CSMD1: variants seen among roughly 807,000 people sequenced by gnomAD.
The protein encoded by CSMD1 is CUB and sushi domain-containing protein 1.
In CSMD1, 213 loss-of-function variants were observed where a neutral mutation model predicts 417.5. The ratio of observed to expected loss-of-function variants is 0.51; its 90% CI spans 0.46 to 0.57. The LOEUF is 0.57. Ranked by LOEUF, CSMD1 falls within the 20% of genes least tolerant of loss-of-function variation. The pLI is 0.00. For synonymous variants in CSMD1, 2,862 were observed against 1,736.8 expected, an observed-to-expected ratio of 1.65 and a Z score of -16.11; for missense variants, 6,923 against 4,529.7, an observed-to-expected ratio of 1.53 and a Z score of -15.17.
At chr8:4,654,110 C>T (rs888446559) in intron 1 of CSMD1, among the ~76,000 whole-genome samples, 2 of 152,172 alleles carry the variant, frequency 1.3e-5, no homozygotes, top group South Asian at 2.1e-4. Flanking sequence ...AAACCAGGGC[C>T]GATGTTACAC....
At chr8:3,858,869 A>G (rs1011502803) in intron 5 of CSMD1, among the ~76,000 whole-genome samples, 11 of 152,134 alleles carry the variant, frequency 7.2e-5, no homozygotes. Context: ...CTCCAGTAGG[A>G]TCAGGTTTAT....
chr8:3,837,301 G>A lies in CSMD1; in HGVS notation c.819-83259C>T, dbSNP rs1227669587. ...TAGATGAATCTCTTCAACAACAGAA[G>A]AAAATTAGATTGCAACTAGTATTCA... On this transcript the variant is annotated intron_variant, in intron 5 of 69. Transcript: ENST00000635120. 9.2e-5 allele frequency among the ~76,000 whole-genome samples: 14 copies of A among 152,242 alleles called. No individual in the cohort carries two copies. The East Asian group carries it at 1.4e-3, about 15-fold the overall frequency.
intron 2 of CSMD1, among the ~76,000 whole-genome samples, chr8:4,460,451 G>A (rs966782170): frequency 6.6e-6 from 1 of 151,988 alleles, no homozygotes; most frequent in Non-Finnish European, 1.5e-5. Context: ...TAAACTTACG[G>A]TAAGCAGAAT....
chr8:4,433,348 A>G (rs1797976161), intron 2 of CSMD1, among the ~76,000 whole-genome samples: 1 of 152,158 alleles, frequency 6.6e-6, no homozygotes, highest in Admixed American at 6.5e-5. Flanking sequence ...GGGGACTGCT[A>G]TTATATACAA....
chr8:3,859,319 G>T (rs918263622), intron 5 of CSMD1, among the ~76,000 whole-genome samples: 1 of 152,114 alleles, frequency 6.6e-6, no homozygotes, highest in Non-Finnish European at 1.5e-5. Context: ...CATTCGCTCG[G>T]CCTATTTTTT....
chr8:4,832,200 G>A (rs990367074), intron 1 of CSMD1, among the ~76,000 whole-genome samples: 6 of 152,274 alleles, frequency 3.9e-5, no homozygotes, highest in African/African-American at 1.4e-4. Context: ...CCCTGAGTGT[G>A]GGAGGGTTTG....
chr8:4,091,115 C>T (rs184627843), intron 3 of CSMD1, among the ~76,000 whole-genome samples: 1 of 152,062 alleles, frequency 6.6e-6, no homozygotes, highest in East Asian at 1.9e-4. Context: ...GATGGGGTTT[C>T]ACCATTTTGG....
intron 52 of CSMD1, among the ~76,000 whole-genome samples, chr8:3,007,551 G>C (rs1808037104): frequency 6.6e-6 from 1 of 151,494 alleles, no homozygotes; most frequent in African/African-American, 2.4e-5. Flanking sequence ...ACTGGATTAA[G>C]AAAATGTGGC....
At chr8:3,626,483 A>G (rs1401002787) in intron 7 of CSMD1, among the ~76,000 whole-genome samples, 3 of 152,114 alleles carry the variant, frequency 2.0e-5, no homozygotes, top group African/African-American at 7.2e-5. Context: ...AAGTCGTTAT[A>G]TATTTTAGAA....
intron 1 of CSMD1, among the ~76,000 whole-genome samples, chr8:4,740,928 C>CA (rs1240585779): frequency 1.3e-5 from 2 of 151,868 alleles, no homozygotes; most frequent in Non-Finnish European, 2.9e-5. Context: ...AGTTTCAAAA[C>CA]AAAAAACACT....
chr8:3,399,296 A>C (rs1213862020), intron 16 of CSMD1, 95 bp downstream of exon 16: 31 of 1,242,026 alleles, frequency 2.5e-5, no homozygotes, highest in Non-Finnish European at 3.3e-5. Flanking sequence ...GAACCGAAAA[A>C]AACTGCCATC....
chr8:3,902,756 C>A (rs908484973), intron 5 of CSMD1, among the ~76,000 whole-genome samples: 1 of 152,088 alleles, frequency 6.6e-6, no homozygotes, highest in African/African-American at 2.4e-5. Flanking sequence ...GTACACATTT[C>A]TTTGTATCAA....
At chr8:3,031,482 A>G (rs2670067) in intron 50 of CSMD1, among the ~76,000 whole-genome samples, 6,431 of 152,160 alleles carry the variant, frequency 0.042, 467 homozygotes, top group African/African-American at 0.15. Flanking sequence ...AAAAAAAATT[A>G]TTTTTAATAA....
At position 3,052,641 on chromosome 8, in the gene CSMD1, GA is replaced by G; in HGVS notation, c.7480del (p.Ser2494ProfsTer84). 6.3e-7 allele frequency: 1 copy of G among 1,599,184 alleles called. No homozygotes were observed. The highest frequency in any genetic ancestry group is 8.5e-7 in the Non-Finnish European group (1 of 1,173,734). Reference sequence around the variant, plus strand: ...TCCTGGGGATTCTGGGATTCCACAGGACACAGCTGAAAAGAAATGAAACAAA... The same window carrying G: ...TCCTGGGGATTCTGGGATTCCACAGGCACAGCTGAAAAGAAATGAAACAAA... ...DSLTPLCQAV[S>X]CGIPESPGNG... is the part of the protein sequence containing the mutation. On this transcript the variant is annotated frameshift_variant, in exon 50 of 70. Transcript: ENST00000635120. LOFTEE classifies it high-confidence loss of function.
At chr8:3,831,042 C>T (rs1182438242) in intron 5 of CSMD1, among the ~76,000 whole-genome samples, 1 of 152,094 alleles carries the variant, frequency 6.6e-6, no homozygotes, top group African/African-American at 2.4e-5. Flanking sequence ...AATGCGCGAA[C>T]AGGGTTTGGG....
chr8:3,112,761 G>GC (rs1191086204), intron 42 of CSMD1, among the ~76,000 whole-genome samples: 9 of 152,268 alleles, frequency 5.9e-5, no homozygotes, highest in Non-Finnish European at 1.2e-4. Context: ...TTCAACGGGT[G>GC]CAAGTGCTGT....
At chr8:4,313,999 G>A (rs1351256526) in intron 3 of CSMD1, among the ~76,000 whole-genome samples, 1 of 151,154 alleles carries the variant, frequency 6.6e-6, no homozygotes, top group African/African-American at 2.4e-5. Flanking sequence ...GGGCAACAAA[G>A]TGAGAATCCG....
intron 1 of CSMD1, among the ~76,000 whole-genome samples, chr8:4,664,976 G>T (rs940627878): frequency 6.6e-6 from 1 of 152,034 alleles, no homozygotes; most frequent in Admixed American, 6.5e-5. Flanking sequence ...ATCTGAAAAA[G>T]GAAAATAATA....
chr8:3,628,812 C>G (rs956614229), intron 7 of CSMD1, among the ~76,000 whole-genome samples: 1 of 152,096 alleles, frequency 6.6e-6, no homozygotes, highest in Non-Finnish European at 1.5e-5. Context: ...CGTGTCCGAG[C>G]CAAGAACTCT....
Sources: gnomAD v4.1 joint callset for allele counts (sites outside exome capture counted in the v4.1 genomes callset) on GRCh38, gnomAD v4.1.1 for gene constraint, MANE v1.5 for transcripts, NCBI Gene and HGNC (gene_info 2026-07-23, HGNC 2026-07-21) for gene names.